SHISA9: variants seen among roughly 807,000 people sequenced by gnomAD.
SHISA9 encodes the protein shisa family member 9, also known as protein shisa-9.
A neutral mutation model predicts 38.0 loss-of-function variants in SHISA9; 13 were observed. That is an observed-to-expected ratio of 0.34 (90% CI 0.22 to 0.54). The LOEUF (loss-of-function observed/expected upper bound fraction) is 0.54, where lower values mean the gene tolerates loss of function less well. Among genes scored for constraint, SHISA9 ranks in the 20% least tolerant of loss-of-function variants. The pLI, the probability that SHISA9 is intolerant of heterozygous loss-of-function variation, is 0.91. For missense variants in SHISA9, 538 were observed against 575.8 expected, an observed-to-expected ratio of 0.93 and a Z score of 0.67; for synonymous variants, 275 against 242.0, an observed-to-expected ratio of 1.14 and a Z score of -1.27.
At chr16:13,392,135 C>T in the SHISA9 span, among the ~76,000 whole-genome samples, 2 of 152,064 alleles carry the variant, frequency 1.3e-5, no homozygotes, top group Non-Finnish European at 2.9e-5. Context: ...AAAGGTACCT[C>T]GAACATCCTA....
At chr16:13,485,732 C>G in the SHISA9 span, among the ~76,000 whole-genome samples, 11 of 152,148 alleles carry the variant, frequency 7.2e-5, no homozygotes, top group African/African-American at 2.7e-4. Flanking sequence ...CTATCAAATG[C>G]TAAAACATAT....
chr16:12,953,567 C>T (rs1229805511), intron 2 of SHISA9, among the ~76,000 whole-genome samples: 1 of 152,142 alleles, frequency 6.6e-6, no homozygotes, highest in African/African-American at 2.4e-5. Context: ...CTAGAGCACC[C>T]AATGAGCATC....
chr16:13,289,288 T>G, the SHISA9 span, among the ~76,000 whole-genome samples: 2 of 142,714 alleles, frequency 1.4e-5, no homozygotes, highest in Non-Finnish European at 3.0e-5. Flanking sequence ...CCCTGCCATT[T>G]AAAGTTTCTT....
the SHISA9 span, among the ~76,000 whole-genome samples, chr16:13,361,940 G>T: frequency 8.5e-5 from 13 of 152,252 alleles, 1 homozygote; most frequent in South Asian, 1.2e-3. Flanking sequence ...AAGAGGTAAA[G>T]AATTATGGGC....
chr16:13,147,797 GA>G (rs1316902982), intron 2 of SHISA9, among the ~76,000 whole-genome samples: 1 of 152,140 alleles, frequency 6.6e-6, no homozygotes. Context: ...TTCTGCTCAT[GA>G]TAGGCTTTAT....
At chr16:13,087,522 A>G (rs1596639447) in intron 2 of SHISA9, among the ~76,000 whole-genome samples, 2 of 152,110 alleles carry the variant, frequency 1.3e-5, no homozygotes, top group Non-Finnish European at 2.9e-5. Flanking sequence ...GCCATTCTAA[A>G]TGGTGTGAGA....
At chr16:13,411,359 A>T in the SHISA9 span, among the ~76,000 whole-genome samples, 2 of 152,258 alleles carry the variant, frequency 1.3e-5, no homozygotes, top group South Asian at 4.1e-4. Context: ...TCCTGGGCAG[A>T]GTAATGAACT....
intron 2 of SHISA9, among the ~76,000 whole-genome samples, chr16:12,933,654 A>G (rs2071490243): frequency 6.6e-6 from 1 of 152,202 alleles, no homozygotes; most frequent in African/African-American, 2.4e-5. Context: ...AACAAAGGGA[A>G]ACATAAAGAA....
intron 2 of SHISA9, among the ~76,000 whole-genome samples, chr16:13,182,205 A>G (rs2050784689): frequency 6.6e-6 from 1 of 152,206 alleles, no homozygotes; most frequent in African/African-American, 2.4e-5. Context: ...AGTTTTGAAA[A>G]TGGGGACTTC....
intron 2 of SHISA9, among the ~76,000 whole-genome samples, chr16:12,946,426 C>A (rs2071689293): frequency 6.6e-6 from 1 of 152,150 alleles, no homozygotes; most frequent in African/African-American, 2.4e-5. Flanking sequence ...GAAGCAAAGC[C>A]TGAGTCAAGG....
At chr16:13,363,727 C>T in the SHISA9 span, among the ~76,000 whole-genome samples, 18 of 152,276 alleles carry the variant, frequency 1.2e-4, no homozygotes, top group Admixed American at 7.8e-4. Context: ...CCTAGCACAG[C>T]GCTGGCTTCA....
At chr16:13,127,290 TGGA>T (rs1444421929) in intron 2 of SHISA9, among the ~76,000 whole-genome samples, 2 of 43,670 alleles carry the variant, frequency 4.6e-5, no homozygotes, top group Non-Finnish European at 9.2e-5. Context: ...GAGAAAGAGA[TGGA>T]GGGAGAGAGA....
At chr16:12,981,053 T>C (rs974595750) in intron 2 of SHISA9, among the ~76,000 whole-genome samples, 1 of 152,228 alleles carries the variant, frequency 6.6e-6, no homozygotes, top group African/African-American at 2.4e-5. Context: ...ATGTGTTGTT[T>C]TTCTTTCAAA....
At chr16:13,499,706 A>C in the SHISA9 span, among the ~76,000 whole-genome samples, 4 of 152,206 alleles carry the variant, frequency 2.6e-5, no homozygotes, top group Non-Finnish European at 5.9e-5. Context: ...CACATCAGGA[A>C]GAATAAACTC....
intron 2 of SHISA9, among the ~76,000 whole-genome samples, chr16:13,076,487 C>T (rs1230648772): frequency 6.6e-6 from 1 of 152,088 alleles, no homozygotes; most frequent in Non-Finnish European, 1.5e-5. Context: ...TCCCTCCTTT[C>T]CCCCACCCTC....
chr16:13,186,211 G>A (rs2050820444), intron 2 of SHISA9, among the ~76,000 whole-genome samples: 1 of 149,510 alleles, frequency 6.7e-6, no homozygotes. Flanking sequence ...TGTATGTGAA[G>A]CACATTGTTG....
chr16:13,395,784 G>T, the SHISA9 span, among the ~76,000 whole-genome samples: 4 of 152,128 alleles, frequency 2.6e-5, no homozygotes, highest in African/African-American at 9.7e-5. Flanking sequence ...TGACTTTTAG[G>T]TGCTTGATAT....
chr16:13,342,454 A>AT, the SHISA9 span, among the ~76,000 whole-genome samples: 1 of 152,066 alleles, frequency 6.6e-6, no homozygotes, highest in Non-Finnish European at 1.5e-5. Context: ...TGTCCAGCTA[A>AT]TTTTTTTGTA....
chr16:13,224,358 G>C (rs572642157), intron 4 of SHISA9, among the ~76,000 whole-genome samples: 2 of 152,094 alleles, frequency 1.3e-5, no homozygotes, highest in African/African-American at 2.4e-5. Context: ...ATCCTAGTTC[G>C]CCTGTCTGCG....
Sources: allele counts gnomAD v4.1 joint callset (sites outside exome capture counted in the v4.1 genomes callset), GRCh38; gene constraint gnomAD v4.1.1; transcripts MANE v1.5; gene names NCBI Gene and HGNC (gene_info 2026-07-23, HGNC 2026-07-21).